Variants in DOCK9 observed in about 807,000 individuals in gnomAD.
The protein encoded by DOCK9 is dedicator of cytokinesis 9, also known as dedicator of cytokinesis protein 9.
A neutral mutation model predicts 263.3 loss-of-function variants in DOCK9; 89 were observed. The ratio of observed to expected loss-of-function variants is 0.34; its 90% confidence interval spans 0.28 to 0.40. DOCK9 has a LOEUF of 0.40. DOCK9 is among the 10% of genes least tolerant of loss of function. The pLI, the probability that DOCK9 is intolerant of heterozygous loss-of-function variation, is 1.00. For missense variants in DOCK9, 2,140 were observed against 2,603.4 expected, an observed-to-expected ratio of 0.82 and a Z score of 3.87; for synonymous variants, 976 against 973.1, an observed-to-expected ratio of 1.00 and a Z score of -0.06.
chr13:98,977,792 G>A lies in DOCK9; in HGVS notation c.118C>T (p.Pro40Ser), dbSNP rs1414758500. The change falls in exon 1 of 53, where the codon CCT (proline) becomes TCT (serine). Residue 40 changes from proline (P) to serine (S), a missense_variant. Physicochemically the swap from Pro to Ser is moderately conservative, Grantham distance 74. Around this residue, in one of 2 missense-constraint regions of DOCK9, gnomAD observed 1,521 missense variants for 1,741.7 expected, o/e 0.87. Transcript: ENST00000682017. Reference protein sequence around the residue: ...QGEVEAESPGPVPAKPKLIEP... With the variant: ...QGEVEAESPGSVPAKPKLIEP... ...GTACGAGACCCTCTTACCGGCACAG[G>A]GCCCGGGCTCTCTGCTTCCACTTCG... is the stretch of plus-strand genomic sequence containing the variant. 4 of 1,611,724 alleles carry A rather than the reference G, an allele frequency of 2.5e-6. No individual in the cohort carries two copies. In the South Asian group the frequency reaches 3.3e-5, roughly 13 times the overall value.
At chr13:98,835,979 G>A (rs567519065) in intron 39 of DOCK9, among the ~76,000 whole-genome samples, 9 of 151,910 alleles carry the variant, frequency 5.9e-5, no homozygotes, top group Non-Finnish European at 1.0e-4. Context: ...CTCGTGATCC[G>A]CCTGCCTTGG....
intron 38 of DOCK9, among the ~76,000 whole-genome samples, chr13:98,838,344 A>G (rs2093084703): frequency 6.6e-6 from 1 of 152,246 alleles, no homozygotes; most frequent in Non-Finnish European, 1.5e-5. Flanking sequence ...CTCTTGGAAC[A>G]GTGCCTGGCA....
chr13:98,910,448 A>G (rs2049820489), intron 9 of DOCK9, among the ~76,000 whole-genome samples: 1 of 152,228 alleles, frequency 6.6e-6, no homozygotes, highest in South Asian at 2.1e-4. Flanking sequence ...TACTAAATGT[A>G]CAAACATAAG....
chr13:98,840,618 C>T (rs908339936), intron 38 of DOCK9, among the ~76,000 whole-genome samples: 15 of 152,172 alleles, frequency 9.9e-5, no homozygotes, highest in African/African-American at 3.6e-4. Context: ...GCTGACACAT[C>T]GGCGAACCTC....
intron 13 of DOCK9, among the ~76,000 whole-genome samples, chr13:98,900,620 A>G (rs2048127488): frequency 6.6e-6 from 1 of 152,208 alleles, no homozygotes. Flanking sequence ...TATGGTGCCC[A>G]CAGCACTGAC....
In DOCK9 at chr13:98,881,615, A is replaced by G. The variant is rs1485156232; in HGVS notation, c.2688T>C (p.His896=). 2 of 1,608,702 alleles carry G rather than the reference A, an allele frequency of 1.2e-6. No homozygotes were observed. Among genetic ancestry groups the G allele is most frequent in the African/African-American group, 1.3e-5 (1 of 74,884 alleles). ...CTTCCTCATGGCACTGGGCAACCAC[A>G]TGAATAATGACCCTACACACCACAG... The part of the protein sequence containing the change: ...VAVNVTRVII[H]VVAQCHEEGL... Residue 896 remains histidine, a synonymous_variant, in exon 25 of 53, where the codon CAT becomes CAC. Coordinates refer to ENST00000682017, the MANE Select transcript of DOCK9 (RefSeq NM_001366683.2).
chr13:98,803,779 A>G (rs1327392853), intron 49 of DOCK9, among the ~76,000 whole-genome samples: 2 of 152,100 alleles, frequency 1.3e-5, no homozygotes, highest in Non-Finnish European at 2.9e-5. Flanking sequence ...TGAGGACAAT[A>G]TTATTTGTGC....
intron 3 of DOCK9, among the ~76,000 whole-genome samples, 184 bp downstream of exon 3, chr13:98,929,984 C>A (rs2140272663): frequency 6.6e-6 from 1 of 152,260 alleles, no homozygotes; most frequent in Admixed American, 6.5e-5. Context: ...AAAGAAATAG[C>A]CCCTGTGGAC....
At chr13:98,988,126 A>G (rs1364383005) in intron 1 of DOCK9, among the ~76,000 whole-genome samples, 1 of 152,190 alleles carries the variant, frequency 6.6e-6, no homozygotes, top group African/African-American at 2.4e-5. Context: ...GTTATTTATT[A>G]CCACTTGGGA....
chr13:98,975,472 T>TACACACACACACAC lies in DOCK9; in HGVS notation c.126+2298_126+2311dup, dbSNP rs146581245. Among the ~76,000 whole-genome samples, 161 of 142,508 alleles carry TACACACACACACAC rather than the reference T, an allele frequency of 1.1e-3. 3 individuals carry two copies. In the South Asian group the frequency reaches 0.015, roughly 13 times the overall value. The allele number at this position is 142,508 out of a possible 152,430, so 93.5% of individuals were successfully genotyped here. On this transcript the variant is annotated intron_variant, in intron 1 of 52. Transcript: ENST00000682017. ...CATAATAGTATATTCTCTAAACACA[T>TACACACACACACAC]ACACACACACACACACACACACACA... is the stretch of plus-strand genomic sequence containing the variant.
At chr13:99,024,456 A>C (rs1390662735) in intron 1 of DOCK9, among the ~76,000 whole-genome samples, 1 of 152,234 alleles carries the variant, frequency 6.6e-6, no homozygotes, top group African/African-American at 2.4e-5. Flanking sequence ...TATAACTTGC[A>C]TACAAATGCA....
chr13:99,070,817 C>T (rs1406631115), intron 1 of DOCK9, among the ~76,000 whole-genome samples: 1 of 152,202 alleles, frequency 6.6e-6, no homozygotes, highest in African/African-American at 2.4e-5. Context: ...GGTTATACAA[C>T]TGCATTTCTA....
intron 27 of DOCK9, among the ~76,000 whole-genome samples, chr13:98,877,750 A>T (rs1208129142): frequency 6.6e-6 from 1 of 151,812 alleles, no homozygotes; most frequent in Non-Finnish European, 1.5e-5. Flanking sequence ...TCCCACCTGA[A>T]CTCCTTGAGG....
intron 33 of DOCK9, 165 bp from the exon 34 acceptor site, chr13:98,856,196 T>A: frequency 3.2e-6 from 2 of 618,924 alleles, no homozygotes; most frequent in Non-Finnish European, 5.4e-6. Flanking sequence ...CCAGGTCATA[T>A]ACAATGAGAT....
chr13:98,962,598 TA>T (rs2058754269), intron 1 of DOCK9, among the ~76,000 whole-genome samples: 1 of 150,452 alleles, frequency 6.6e-6, no homozygotes, highest in Non-Finnish European at 1.5e-5. Context: ...TAAATAGAGC[TA>T]TTCATATTAT....
intron 1 of DOCK9, among the ~76,000 whole-genome samples, chr13:99,076,741 G>A (rs2041924064): frequency 6.6e-6 from 1 of 152,092 alleles, no homozygotes; most frequent in Non-Finnish European, 1.5e-5. Context: ...GCATCTTCAG[G>A]GTTTGTTCAT....
chr13:98,864,941 C>T (rs539397049), intron 30 of DOCK9, among the ~76,000 whole-genome samples: 4 of 152,306 alleles, frequency 2.6e-5, no homozygotes, highest in African/African-American at 9.6e-5. Context: ...ATGTGACATG[C>T]TGGCTCCCCC....
Position 98,898,285 on chromosome 13 carries a change from A to G in DOCK9, c.1504-24T>C, listed in dbSNP as rs1278630613. On this transcript the variant is annotated intron_variant, in intron 13 of 52. Coordinates refer to ENST00000682017, the MANE Select transcript of DOCK9 (RefSeq NM_001366683.2). The stretch of plus-strand genomic sequence containing the variant: ...ACCTTGAAGACATGAGAATAAAGCT[A>G]TGAGATACTGCATCTCACTGAAAGA... 10 of 1,578,894 alleles carry G rather than the reference A, an allele frequency of 6.3e-6. No individual in the cohort carries two copies. The Admixed American group carries it at 1.2e-4, about 19-fold the overall frequency.
In DOCK9 at chr13:98,883,124, T is replaced by C; in HGVS notation, c.2477A>G (p.His826Arg). Residue 826 changes from histidine to arginine, a missense_variant, in exon 23 of 53, where the codon CAT becomes CGT. Physicochemically the swap from His to Arg is conservative, Grantham distance 29. This residue lies in a region of DOCK9 where 1,521 missense variants were observed against 1,741.7 expected (regional missense o/e 0.87). Coordinates refer to ENST00000682017, the MANE Select transcript of DOCK9 (RefSeq NM_001366683.2). ...LVSTVYTQDQ[H>R]LHNFFQYCQK... ...ACAGTACTGGAAAAAATTATGTAAA[T>C]GCTGATCCTGAGGTAGGGAAAAAGG... 1 of 1,613,424 alleles carries C rather than the reference T, an allele frequency of 6.2e-7. No homozygotes were observed. Among genetic ancestry groups the C allele is most frequent in the Non-Finnish European group, 8.5e-7 (1 of 1,179,616 alleles).
Sources: gnomAD v4.1 joint callset for allele counts (sites outside exome capture counted in the v4.1 genomes callset) on GRCh38, gnomAD v4.1.1 for gene constraint, gnomAD v4.1.1 regional missense constraint, MANE v1.5 for transcripts, NCBI Gene and HGNC (gene_info 2026-07-23, HGNC 2026-07-21) for gene names.